The following SSBP2 variants were observed in gnomAD, a reference collection of about 807,000 sequenced individuals.
SSBP2 encodes the protein single stranded DNA binding protein 2, also known as single-stranded DNA-binding protein 2.
In SSBP2, 17 loss-of-function variants were observed where a neutral mutation model predicts 61.8. The ratio of observed to expected loss-of-function variants is 0.28; its 90% CI spans 0.19 to 0.41. The LOEUF (loss-of-function observed/expected upper bound fraction) is 0.41, where lower values mean the gene tolerates loss of function less well. Ranked by LOEUF, SSBP2 falls within the 10% of genes least tolerant of loss-of-function variation. The probability of loss-of-function intolerance (pLI) is 1.00; values close to 1 mark genes in which losing one functional copy is unlikely to be tolerated. For synonymous variants in SSBP2, 139 were observed against 141.3 expected, an observed-to-expected ratio of 0.98 and a Z score of 0.12; for missense variants, 310 against 458.7, an observed-to-expected ratio of 0.68 and a Z score of 2.96.
intron 5 of SSBP2, among the ~76,000 whole-genome samples, chr5:81,505,916 A>T (rs1425512749): frequency 6.6e-6 from 1 of 152,182 alleles, no homozygotes; most frequent in African/African-American, 2.4e-5. Context: ...TTTGATTCTA[A>T]CTGGAAAACC....
At chr5:81,430,918 A>T (rs990040031) in intron 15 of SSBP2, among the ~76,000 whole-genome samples, 3 of 152,180 alleles carry the variant, frequency 2.0e-5, no homozygotes, top group Non-Finnish European at 2.9e-5. Context: ...AACTAGAGTA[A>T]TCTCTGCAAA....
chr5:81,654,972 AAT>A (rs112968214), intron 1 of SSBP2, among the ~76,000 whole-genome samples: 3 of 150,604 alleles, frequency 2.0e-5, no homozygotes, highest in African/African-American at 2.4e-5. Flanking sequence ...CCCCATCTCT[AAT>A]ATATATATAT....
At chr5:81,675,860 T>C (rs1359172520) in intron 1 of SSBP2, among the ~76,000 whole-genome samples, 1 of 152,208 alleles carries the variant, frequency 6.6e-6, no homozygotes, top group Non-Finnish European at 1.5e-5. Context: ...TCTTCCTACA[T>C]GCTTTTCTCC....
intron 1 of SSBP2, among the ~76,000 whole-genome samples, chr5:81,664,377 G>A (rs895353269): frequency 4.6e-5 from 7 of 151,810 alleles, no homozygotes; most frequent in African/African-American, 7.3e-5. Context: ...TGATCCGCCC[G>A]CCTTGGCCTC....
At chr5:81,694,047 C>T (rs1753415033) in intron 1 of SSBP2, among the ~76,000 whole-genome samples, 1 of 151,992 alleles carries the variant, frequency 6.6e-6, no homozygotes, top group African/African-American at 2.4e-5. Flanking sequence ...AACTGGAGGA[C>T]ATTATGTTAA....
At chr5:81,629,428 T>C (rs1003118569) in intron 3 of SSBP2, among the ~76,000 whole-genome samples, 1 of 152,234 alleles carries the variant, frequency 6.6e-6, no homozygotes, top group Non-Finnish European at 1.5e-5. Context: ...CCCCTGCTTT[T>C]GTCTCTTTAT....
At chr5:81,503,180 C>T (rs2154072902) in intron 5 of SSBP2, among the ~76,000 whole-genome samples, 1 of 152,200 alleles carries the variant, frequency 6.6e-6, no homozygotes, top group South Asian at 2.1e-4. Flanking sequence ...TGCAGCTGGG[C>T]GTGGTGGCTC....
chr5:81,663,259 C>T (rs909016149), intron 1 of SSBP2, among the ~76,000 whole-genome samples: 7 of 152,150 alleles, frequency 4.6e-5, no homozygotes, highest in African/African-American at 1.7e-4. Flanking sequence ...TAGCTCACAG[C>T]TAATTCCTAA....
chr5:81,503,058 A>AT (rs1767914975), intron 5 of SSBP2, among the ~76,000 whole-genome samples: 1 of 152,204 alleles, frequency 6.6e-6, no homozygotes, highest in Non-Finnish European at 1.5e-5. Flanking sequence ...CAGCAAGCAT[A>AT]TGAAAAAAAA....
intron 16 of SSBP2, 24 bp downstream of exon 16, chr5:81,428,561 T>A (rs774139146): frequency 6.4e-7 from 1 of 1,570,998 alleles, no homozygotes; most frequent in East Asian, 2.2e-5. Flanking sequence ...AATTTGAGTA[T>A]AATATAGTCA....
intron 4 of SSBP2, among the ~76,000 whole-genome samples, chr5:81,596,068 T>C (rs1027408068): frequency 1.3e-5 from 2 of 152,200 alleles, no homozygotes; most frequent in Non-Finnish European, 1.5e-5. Context: ...GCAGACGACA[T>C]GATTGTATAT....
intron 1 of SSBP2, among the ~76,000 whole-genome samples, chr5:81,673,184 AC>A (rs1180776813): frequency 6.6e-6 from 1 of 152,122 alleles, no homozygotes; most frequent in Non-Finnish European, 1.5e-5. Context: ...AGCATTTAGC[AC>A]CCATGGGTGA....
intron 4 of SSBP2, among the ~76,000 whole-genome samples, chr5:81,582,708 C>T (rs1171530771): frequency 6.6e-6 from 1 of 152,120 alleles, no homozygotes; most frequent in Non-Finnish European, 1.5e-5. Flanking sequence ...ATTTTCTTGC[C>T]TCTGCCTCCC....
chr5:81,664,719 A>T (rs1750968233), intron 1 of SSBP2, among the ~76,000 whole-genome samples: 1 of 152,182 alleles, frequency 6.6e-6, no homozygotes, highest in Admixed American at 6.5e-5. Flanking sequence ...ACAAACAGGA[A>T]TTTTTTAGAA....
chr5:81,480,639 C>T (rs987972275), intron 6 of SSBP2, among the ~76,000 whole-genome samples: 1 of 152,098 alleles, frequency 6.6e-6, no homozygotes, highest in Non-Finnish European at 1.5e-5. Flanking sequence ...CTCCTGGGCT[C>T]AAGAAATCCA....
In SSBP2 at chr5:81,420,427, G is replaced by T; in HGVS notation, c.*77C>A. The T allele has an allele frequency of 7.3e-7, 1 of 1,369,954 alleles. No homozygotes were observed. The highest frequency in any genetic ancestry group is 1.0e-6 in the Non-Finnish European group (1 of 958,686). 84.9% of individuals were successfully genotyped at this position (1,369,954 alleles called of 1,614,324 possible). On this transcript the variant is annotated 3_prime_UTR_variant, in exon 17 of 17. Coordinates refer to ENST00000320672, the MANE Select transcript of SSBP2 (RefSeq NM_012446.5). ...ATTCCTTTGTTTAACTGTACACTGT[G>T]ATGAATAATTTTCTTCCGTAGTAGT...
At chr5:81,597,594 A>T (rs1274246470) in intron 4 of SSBP2, among the ~76,000 whole-genome samples, 6 of 152,162 alleles carry the variant, frequency 3.9e-5, no homozygotes, top group African/African-American at 1.4e-4. Context: ...AATAGCAAAG[A>T]CTTGGAACCA....
At chr5:81,508,158 A>T (rs1768323833) in intron 5 of SSBP2, among the ~76,000 whole-genome samples, 1 of 152,166 alleles carries the variant, frequency 6.6e-6, no homozygotes, top group East Asian at 1.9e-4. Context: ...CCTACAATGG[A>T]TGTGTATTCA....
At chr5:81,550,348 A>G (rs985258569) in intron 4 of SSBP2, among the ~76,000 whole-genome samples, 3 of 152,186 alleles carry the variant, frequency 2.0e-5, no homozygotes, top group African/African-American at 7.2e-5. Flanking sequence ...CCTATCTTAT[A>G]TTATTGTATT....
Sources: gnomAD v4.1 joint callset for allele counts (sites outside exome capture counted in the v4.1 genomes callset) on GRCh38, gnomAD v4.1.1 for gene constraint, MANE v1.5 for transcripts, NCBI Gene and HGNC (gene_info 2026-07-23, HGNC 2026-07-21) for gene names.